CAMSAP2: variants seen among roughly 807,000 people sequenced by gnomAD.
CAMSAP2 encodes the protein calmodulin regulated spectrin associated protein family member 2.
A neutral mutation model predicts 146.1 loss-of-function variants in CAMSAP2; 26 were observed. The ratio of observed to expected loss-of-function variants is 0.18; its 90% CI spans 0.13 to 0.25. The LOEUF (loss-of-function observed/expected upper bound fraction) is 0.25. Among genes scored for constraint, CAMSAP2 ranks in the 10% least tolerant of loss-of-function variants. The pLI, the probability that CAMSAP2 is intolerant of heterozygous loss-of-function variation, is 1.00. For missense variants in CAMSAP2, 1,381 were observed against 1,759.3 expected (o/e 0.78, Z 3.85); for synonymous variants, 499 against 596.6 (o/e 0.84, Z 2.38).
intron 1 of CAMSAP2, among the ~76,000 whole-genome samples, chr1:200,750,604 AAGAG>A (rs1053051225): frequency 6.7e-6 from 1 of 150,198 alleles, no homozygotes; most frequent in Non-Finnish European, 1.5e-5. Context: ...TGTAGAGAGA[AAGAG>A]ATAGATAGAT....
chr1:200,848,781 A>G lies in CAMSAP2; in HGVS notation c.2012A>G (p.Lys671Arg). 1.2e-6 allele frequency: 2 copies of G among 1,614,180 alleles called. No homozygotes were observed. Among genetic ancestry groups the G allele is most frequent in the Non-Finnish European group, 1.7e-6 (2 of 1,179,996 alleles). ...LSPCPSTVSTKSQPGSSASSS... is the reference protein window; with the variant it reads ...LSPCPSTVSTRSQPGSSASSS... ...CCTTGTCCAAGTACTGTAAGTACCAAGTCTCAGCCAGGCAGCAGTGCTTCT... is the reference window on the plus strand; with the variant it reads ...CCTTGTCCAAGTACTGTAAGTACCAGGTCTCAGCCAGGCAGCAGTGCTTCT... The change falls in exon 11 of 17, where the codon AAG becomes AGG. Residue 671 changes from lysine (K) to arginine (R), a missense_variant. By Grantham distance (26) the Lys-to-Arg change is conservative (BLOSUM62 2). This residue lies in a region of CAMSAP2 where 447 missense variants were observed against 462.2 expected (regional missense o/e 0.97). Coordinates refer to ENST00000358823, the MANE Select transcript of CAMSAP2 (RefSeq NM_203459.4).
intron 2 of CAMSAP2, among the ~76,000 whole-genome samples, chr1:200,766,260 C>T (rs981386413): frequency 1.4e-4 from 21 of 151,962 alleles, no homozygotes; most frequent in Non-Finnish European, 2.5e-4. Flanking sequence ...CCTCCCACCT[C>T]AGCCTCCTGG....
chr1:200,760,634 G>A (rs1664774484), intron 1 of CAMSAP2, among the ~76,000 whole-genome samples: 1 of 152,276 alleles, frequency 6.6e-6, no homozygotes, highest in African/African-American at 2.4e-5. Context: ...TACTCAGAAA[G>A]TATCTTCTGT....
In CAMSAP2 at chr1:200,857,252, T is replaced by C. The variant is rs1264307832; in HGVS notation, c.4013-54T>C. On this transcript the variant is annotated intron_variant, in intron 15 of 16. Transcript: ENST00000358823. The surrounding 1 kb of genome is among the most constrained non-coding windows in gnomAD (Gnocchi z 4.7). ...CAATTACATCATTTTAAAATAGTAG[T>C]ATTTCTGACTTAGGAATGTTATTTT... The C allele has an allele frequency of 1.7e-6, 2 of 1,148,722 alleles. No individual in the cohort carries two copies. The highest frequency in any genetic ancestry group is 3.1e-5 in the African/African-American group (2 of 64,800). The allele number at this position is 1,148,722 out of a possible 1,614,324, so 71.2% of individuals were successfully genotyped here. A position where few individuals can be genotyped will look rare whatever the true frequency, so the allele number is the denominator to read the frequency against.
intron 2 of CAMSAP2, among the ~76,000 whole-genome samples, chr1:200,781,896 A>G (rs893624740): frequency 5.9e-5 from 9 of 152,018 alleles, no homozygotes; most frequent in Non-Finnish European, 1.2e-4. Context: ...TCCTGCTTAC[A>G]TGTCTTTGAT....
At chr1:200,847,817 C>T (rs1667500031) in intron 10 of CAMSAP2, 108 bp downstream of exon 10, 1 of 1,081,114 alleles carries the variant, frequency 9.2e-7, no homozygotes, top group Admixed American at 2.3e-5. Context: ...TTAATTAGTT[C>T]CTAAATTTGA....
Position 200,761,474 on chromosome 1 carries a change from G to A in CAMSAP2, c.399+376G>A, listed in dbSNP as rs527668102. ...TTTATGGCCGGGCGCGGTGGCTCACGCCTGTAATCCCAGCACTTTGGGAGG... is the reference window on the plus strand; with the variant it reads ...TTTATGGCCGGGCGCGGTGGCTCACACCTGTAATCCCAGCACTTTGGGAGG... On this transcript the variant is annotated intron_variant, in intron 2 of 16. Coordinates refer to ENST00000358823, the MANE Select transcript of CAMSAP2 (RefSeq NM_203459.4). Among the ~76,000 whole-genome samples the A allele has an allele frequency of 4.9e-4, 75 of 152,264 alleles. 1 individual carries two copies. The South Asian group carries it at 9.1e-3, about 19-fold the overall frequency.
intron 4 of CAMSAP2, among the ~76,000 whole-genome samples, chr1:200,819,726 A>G (rs1484869789): frequency 6.6e-6 from 1 of 152,188 alleles, no homozygotes; most frequent in African/African-American, 2.4e-5. Context: ...TATGTTAGTA[A>G]ACATGAGACA....
At position 200,750,964 on chromosome 1, in the gene CAMSAP2, A is replaced by G. The variant is rs548416054; in HGVS notation, c.140-9875A>G. 8.6e-4 allele frequency among the ~76,000 whole-genome samples: 114 copies of G among 131,950 alleles called. 1 individual carries two copies. Among genetic ancestry groups the G allele is most frequent in the African/African-American group, 3.1e-3 (104 of 33,882 alleles). 86.6% of individuals were successfully genotyped at this position (131,950 alleles called of 152,430 possible). ...TGTCACCAGGCTGGAATGCAGTGGC[A>G]CGATCTCGGCTCACTGCAATCTCCA... is the stretch of plus-strand genomic sequence containing the variant. On this transcript the variant is annotated intron_variant, in intron 1 of 16. Transcript: ENST00000358823.
intron 4 of CAMSAP2, among the ~76,000 whole-genome samples, chr1:200,829,093 T>TG (rs1043328516): frequency 1.3e-5 from 2 of 152,156 alleles, no homozygotes; most frequent in Non-Finnish European, 2.9e-5. Flanking sequence ...AGGCAGAGGT[T>TG]GCAGTGAGCC....
rs773790572 is a variant in CAMSAP2, at chr1:200,848,747, G to T, written c.1978G>T (p.Ala660Ser). The change falls in exon 11 of 17, where the codon GCT becomes TCT. Residue 660 changes from alanine (A) to serine (S), a missense_variant. Coordinates refer to ENST00000358823, the MANE Select transcript of CAMSAP2 (RefSeq NM_203459.4). ...TATTCGAACTGGCAACACCAGGGAA[G>T]CTTTGAGTCCTTGTCCAAGTACTGT... Reference protein sequence around the residue: ...YDIRTGNTREALSPCPSTVST... With the variant: ...YDIRTGNTRESLSPCPSTVST... 4 of 1,614,192 alleles carry T rather than the reference G, an allele frequency of 2.5e-6. No homozygotes were observed. The Admixed American group carries it at 6.7e-5, about 27-fold the overall frequency.
chr1:200,823,215 TA>T (rs891212248), intron 4 of CAMSAP2, among the ~76,000 whole-genome samples: 7 of 152,360 alleles, frequency 4.6e-5, no homozygotes, highest in African/African-American at 1.7e-4. Flanking sequence ...TCTACCTGTC[TA>T]TATAATATTT....
chr1:200,801,074 G>A (rs61669666), intron 2 of CAMSAP2, among the ~76,000 whole-genome samples: 427 of 152,224 alleles, frequency 2.8e-3, no homozygotes, highest in African/African-American at 9.5e-3. Flanking sequence ...GACCATCCTG[G>A]CCAACATTGT....
intron 4 of CAMSAP2, among the ~76,000 whole-genome samples, chr1:200,831,931 T>A (rs1169411475): frequency 6.6e-6 from 1 of 152,156 alleles, no homozygotes; most frequent in Non-Finnish European, 1.5e-5. Flanking sequence ...TTTGTGATGC[T>A]TTTATACTTA....
rs576050056 is a variant in CAMSAP2 at position 200,808,640 on chromosome 1, C to T, written c.561+1103C>T. Among the ~76,000 whole-genome samples the T allele has an allele frequency of 2.6e-5, 4 of 152,312 alleles. No individual in the cohort carries two copies. In the South Asian group the frequency reaches 8.3e-4, roughly 32 times the overall value. ...ACTCCTCCTCAGCTGTAGAAAATCA[C>T]AGTTACATTCTAGACCTATTCATCT... On this transcript the variant is annotated intron_variant, in intron 3 of 16. Coordinates refer to ENST00000358823, the MANE Select transcript of CAMSAP2 (RefSeq NM_203459.4).
At chr1:200,777,946 A>C (rs1315174267) in intron 2 of CAMSAP2, among the ~76,000 whole-genome samples, 1 of 152,118 alleles carries the variant, frequency 6.6e-6, no homozygotes, top group Non-Finnish European at 1.5e-5. Flanking sequence ...CTCCAGAAAA[A>C]AACTTGTGAG....
At chr1:200,815,466 C>A (rs1246136390) in intron 3 of CAMSAP2, 95 bp from the exon 4 acceptor site, 5 of 555,926 alleles carry the variant, frequency 9.0e-6, no homozygotes, top group Non-Finnish European at 1.5e-5. Flanking sequence ...AGGGCTCTGA[C>A]TATAGGCATC....
intron 2 of CAMSAP2, among the ~76,000 whole-genome samples, chr1:200,764,858 C>T (rs769879015): frequency 9.9e-5 from 15 of 152,064 alleles, no homozygotes; most frequent in Non-Finnish European, 1.6e-4. Context: ...AATCCCAGCA[C>T]TTTGGGAGGC....
At chr1:200,814,128 TGGCGGGGGGAGGGGTG>T (rs1666410967) in intron 3 of CAMSAP2, among the ~76,000 whole-genome samples, 1 of 7,782 alleles carries the variant, frequency 1.3e-4, no homozygotes, top group Non-Finnish European at 2.3e-4. Flanking sequence ...AAAAAAAAGG[TGGCGGGGGGAGGGGTG>T]GGCGGGTGGG....
Sources: gnomAD v4.1 joint callset for allele counts (sites outside exome capture counted in the v4.1 genomes callset) on GRCh38, gnomAD v4.1.1 for gene constraint, gnomAD v4.1.1 regional missense constraint, Gnocchi (gnomAD v3.1) non-coding constraint, MANE v1.5 for transcripts, NCBI Gene and HGNC (gene_info 2026-07-23, HGNC 2026-07-21) for gene names.